The following WDR64 variants were observed in gnomAD, a reference collection of about 807,000 sequenced individuals.
WDR64 encodes WD repeat-containing protein 64.
WDR64 carries 112 observed loss-of-function variants against 139.3 expected under a neutral mutation model. That is an observed-to-expected ratio of 0.80 (90% CI 0.69 to 0.94). The LOEUF is 0.94. WDR64 is among the 40% of genes least tolerant of loss of function. WDR64 has a pLI of 0.00. For missense variants in WDR64, 1,206 were observed against 1,293.1 expected, an observed-to-expected ratio of 0.93 and a Z score of 1.03; for synonymous variants, 444 against 437.7, an observed-to-expected ratio of 1.01 and a Z score of -0.18.
chr1:241,660,436 G>T, intron 1 of WDR64, 94 bp from the exon 2 acceptor site: 3 of 1,428,170 alleles, frequency 2.1e-6, no homozygotes, highest in South Asian at 1.4e-5. Flanking sequence ...ATTGAGAAAA[G>T]AAAATACAAG....
At chr1:241,772,330 GAAAAAA>G (rs35285628) in intron 19 of WDR64, among the ~76,000 whole-genome samples, 1 of 128,844 alleles carries the variant, frequency 7.8e-6, no homozygotes, top group South Asian at 2.6e-4. Flanking sequence ...TTCTCTGGGT[GAAAAAA>G]AAAAAAAAGA....
At chr1:241,676,745 GTTTTTT>G in intron 4 of WDR64, among the ~76,000 whole-genome samples, 1 of 124,340 alleles carries the variant, frequency 8.0e-6, no homozygotes, top group South Asian at 2.6e-4. Context: ...AAAATTAATG[GTTTTTT>G]TTTTTTTTTT....
At chr1:241,680,171 CG>C (rs1386487208) in intron 6 of WDR64, among the ~76,000 whole-genome samples, 1 of 152,068 alleles carries the variant, frequency 6.6e-6, no homozygotes, top group Non-Finnish European at 1.5e-5. Flanking sequence ...TATGGTGCAA[CG>C]GGGACTCAGG....
chr1:241,742,771 A>G (rs1669597685), intron 12 of WDR64, among the ~76,000 whole-genome samples: 1 of 151,850 alleles, frequency 6.6e-6, no homozygotes. Context: ...AGATCCAAGA[A>G]CCCTCTCTTG....
intron 6 of WDR64, among the ~76,000 whole-genome samples, chr1:241,683,118 T>C (rs1257381133): frequency 6.6e-6 from 1 of 152,226 alleles, no homozygotes; most frequent in African/African-American, 2.4e-5. Context: ...GATTTTCCTG[T>C]TTGCCACCCA....
At chr1:241,776,145 CCTGGCTCA>C (rs1658649459) in intron 21 of WDR64, among the ~76,000 whole-genome samples, 1 of 151,934 alleles carries the variant, frequency 6.6e-6, no homozygotes, top group Non-Finnish European at 1.5e-5. Context: ...GTAGTGCAAT[CCTGGCTCA>C]CTGCAACCTC....
chr1:241,673,742 T>A (rs1356351470), intron 3 of WDR64, among the ~76,000 whole-genome samples: 2 of 152,120 alleles, frequency 1.3e-5, no homozygotes, highest in Non-Finnish European at 2.9e-5. Context: ...ATTATAAAAA[T>A]TAAGTGCCCT....
chr1:241,705,947 G>A (rs1232906226), intron 8 of WDR64, among the ~76,000 whole-genome samples: 1 of 152,090 alleles, frequency 6.6e-6, no homozygotes, highest in Non-Finnish European at 1.5e-5. Context: ...CCGGCCCTGG[G>A]CATTTTTGCC....
intron 12 of WDR64, among the ~76,000 whole-genome samples, chr1:241,743,051 T>C (rs191861052): frequency 6.6e-6 from 1 of 152,352 alleles, no homozygotes; most frequent in East Asian, 1.9e-4. Context: ...CTGGAGATTT[T>C]CTCAAGTGAG....
intron 1 of WDR64, among the ~76,000 whole-genome samples, chr1:241,654,927 TCTCA>T (rs1665520489): frequency 6.6e-6 from 1 of 152,130 alleles, no homozygotes; most frequent in African/African-American, 2.4e-5. Context: ...TCCCAAGATA[TCTCA>T]CTATGTACAG....
At chr1:241,720,437 C>A (rs891493378) in intron 9 of WDR64, among the ~76,000 whole-genome samples, 3 of 152,154 alleles carry the variant, frequency 2.0e-5, no homozygotes, top group African/African-American at 7.2e-5. Context: ...AAAAGCATTT[C>A]TTTTTCTCCG....
At position 241,750,670 on chromosome 1, in the gene WDR64, C is replaced by T. The variant is rs549854969; in HGVS notation, c.1770+948C>T. On this transcript the variant is annotated intron_variant, in intron 14 of 27. Coordinates refer to ENST00000437684, the MANE Select transcript of WDR64 (RefSeq NM_001367482.1). Reference sequence around the variant, plus strand: ...AAGGGCTGCAAAAAGTAGCATGGAACTATTCACTCACCAAAATTGTTTTTA... The same window carrying T: ...AAGGGCTGCAAAAAGTAGCATGGAATTATTCACTCACCAAAATTGTTTTTA... Among the ~76,000 whole-genome samples the T allele has an allele frequency of 3.9e-5, 6 of 152,306 alleles. No homozygotes were observed. In the East Asian group the frequency reaches 7.7e-4, roughly 20 times the overall value.
chr1:241,705,568 T>TAAATA (rs376505973), intron 8 of WDR64, among the ~76,000 whole-genome samples: 22 of 127,286 alleles, frequency 1.7e-4, no homozygotes, highest in African/African-American at 3.2e-4. Flanking sequence ...TAAATAATAA[T>TAAATA]AATAATAATA....
chr1:241,724,521 T>A (rs1307078359), intron 10 of WDR64, among the ~76,000 whole-genome samples: 3 of 152,210 alleles, frequency 2.0e-5, no homozygotes, highest in Non-Finnish European at 4.4e-5. Flanking sequence ...AAGGATGGTT[T>A]GTTCAATAAG....
rs745411265 is a variant in WDR64 at position 241,744,393 on chromosome 1, G to A, written c.1471G>A (p.Val491Ile). ...TTGATATTTTCGTTCTTTCCCATAG[G>A]TATGGGAACTCGAGACTGGGCTCCA... ...LTICSESIIRVWELETGLQVY... is the reference protein window; with the variant it reads ...LTICSESIIRIWELETGLQVY... Residue 491 changes from valine (V) to isoleucine (I), a missense_variant and splice_region_variant, in exon 13 of 28, where the codon GTA becomes ATA. Val to Ile is a conservative substitution (Grantham distance 29, BLOSUM62 3). Coordinates refer to ENST00000437684, the MANE Select transcript of WDR64 (RefSeq NM_001367482.1). The A allele has an allele frequency of 6.2e-7, 1 of 1,613,896 alleles. No homozygotes were observed. Among genetic ancestry groups the A allele is most frequent in the Non-Finnish European group, 8.5e-7 (1 of 1,179,980 alleles).
intron 11 of WDR64, among the ~76,000 whole-genome samples, chr1:241,738,853 ATGCC>A (rs1669426958): frequency 6.6e-6 from 1 of 152,242 alleles, no homozygotes; most frequent in Non-Finnish European, 1.5e-5. Context: ...CTAGGAAGAA[ATGCC>A]TGGGCTAAGC....
chr1:241,705,935 T>C (rs927224879), intron 8 of WDR64, among the ~76,000 whole-genome samples: 7 of 152,178 alleles, frequency 4.6e-5, no homozygotes, highest in African/African-American at 1.7e-4. Flanking sequence ...AGTCTGACTT[T>C]CCCGGCCCTG....
intron 4 of WDR64, among the ~76,000 whole-genome samples, chr1:241,677,029 C>T (rs1666584248): frequency 6.6e-6 from 1 of 152,026 alleles, no homozygotes; most frequent in African/African-American, 2.4e-5. Flanking sequence ...CCATTAACAA[C>T]TCAAAATATC....
intron 16 of WDR64, among the ~76,000 whole-genome samples, chr1:241,769,158 A>T (rs1443917932): frequency 6.6e-6 from 1 of 152,176 alleles, no homozygotes; most frequent in African/African-American, 2.4e-5. Flanking sequence ...CCATTCTCTG[A>T]TCTAAAGGTA....
Sources: gnomAD v4.1 joint callset for allele counts (sites outside exome capture counted in the v4.1 genomes callset) on GRCh38, gnomAD v4.1.1 for gene constraint, MANE v1.5 for transcripts, NCBI Gene and HGNC (gene_info 2026-07-23, HGNC 2026-07-21) for gene names.